RELN: variants seen among roughly 807,000 people sequenced by gnomAD.
RELN encodes the protein reelin.
RELN carries 108 observed loss-of-function variants against 427.6 expected under a neutral mutation model. The ratio of observed to expected loss-of-function variants is 0.25; its 90% CI spans 0.22 to 0.30. The LOEUF (loss-of-function observed/expected upper bound fraction) is 0.30, where lower values mean the gene tolerates loss of function less well. Ranked by LOEUF, RELN falls within the 10% of genes least tolerant of loss-of-function variation. The pLI, the probability that RELN is intolerant of heterozygous loss-of-function variation, is 1.00. For synonymous variants in RELN, 1,524 were observed against 1,513.4 expected, an observed-to-expected ratio of 1.01 and a Z score of -0.16; for missense variants, 3,715 against 4,302.8, an observed-to-expected ratio of 0.86 and a Z score of 3.82.
intron 6 of RELN, among the ~76,000 whole-genome samples, chr7:103,733,908 T>C (rs932760264): frequency 1.4e-5 from 2 of 147,898 alleles, no homozygotes; most frequent in Non-Finnish European, 3.0e-5. Context: ...ACCTGCACAA[T>C]GTGCACATGT....
intron 2 of RELN, among the ~76,000 whole-genome samples, chr7:103,858,627 T>C (rs1794001327): frequency 6.6e-6 from 1 of 152,174 alleles, no homozygotes; most frequent in Non-Finnish European, 1.5e-5. Context: ...ACTTAGCTTA[T>C]TTACATGAGC....
chr7:103,880,181 T>A (rs1484300459), intron 2 of RELN, among the ~76,000 whole-genome samples: 1 of 151,746 alleles, frequency 6.6e-6, no homozygotes, highest in Non-Finnish European at 1.5e-5. Flanking sequence ...GATGTTAACA[T>A]CCACCATCAC....
chr7:103,540,120 G>T, intron 44 of RELN, 77 bp downstream of exon 44: 2 of 1,540,126 alleles, frequency 1.3e-6, no homozygotes, highest in South Asian at 1.1e-5. Context: ...GAGCAAGCAG[G>T]TTGAACTAAA....
At chr7:103,710,099 G>C (rs997051119) in intron 8 of RELN, among the ~76,000 whole-genome samples, 1 of 152,160 alleles carries the variant, frequency 6.6e-6, no homozygotes, top group Non-Finnish European at 1.5e-5. Context: ...AGACAGAAGA[G>C]GATTTACCAT....
At chr7:103,665,395 G>A (rs1359930448) in intron 11 of RELN, among the ~76,000 whole-genome samples, 1 of 150,814 alleles carries the variant, frequency 6.6e-6, no homozygotes, top group Non-Finnish European at 1.5e-5. Flanking sequence ...ATCTGTATAT[G>A]TAAAATAGCT....
chr7:103,940,721 C>G (rs956827004), intron 1 of RELN, among the ~76,000 whole-genome samples: 27 of 152,194 alleles, frequency 1.8e-4, no homozygotes, highest in Admixed American at 8.5e-4. Flanking sequence ...CTTTAATTTG[C>G]TTCCAGATTC....
intron 10 of RELN, among the ~76,000 whole-genome samples, chr7:103,695,215 T>C (rs1489631996): frequency 1.3e-5 from 2 of 152,158 alleles, no homozygotes; most frequent in Non-Finnish European, 2.9e-5. Context: ...CAAAAGCAAT[T>C]CTTTCATTCT....
At chr7:103,896,192 C>T (rs555318899) in intron 2 of RELN, among the ~76,000 whole-genome samples, 14 of 152,170 alleles carry the variant, frequency 9.2e-5, no homozygotes, top group African/African-American at 2.9e-4. Flanking sequence ...ATGCTGAAGA[C>T]GCAGAGCAAT....
intron 18 of RELN, 140 bp from the exon 19 acceptor site, chr7:103,635,726 A>G (rs117802576): frequency 7.2e-6 from 5 of 692,620 alleles, no homozygotes. Flanking sequence ...TGTTAGATAT[A>G]TGAATATGTG....
Position 103,510,881 on chromosome 7 carries a change from A to T in RELN, c.8244T>A (p.Thr2748=). The T allele has an allele frequency of 1.9e-6, 3 of 1,613,766 alleles. No individual in the cohort carries two copies. Among genetic ancestry groups the T allele is most frequent in the Non-Finnish European group, 2.5e-6 (3 of 1,179,716 alleles). ...REVYAVTHDL[T]PTEGWIMQFK... Reference sequence around the variant, plus strand: ...ATTGCATAATCCAGCCTTCAGTGGGAGTCAGGTCATGGGTCACTGCATACA... The same window carrying T: ...ATTGCATAATCCAGCCTTCAGTGGGTGTCAGGTCATGGGTCACTGCATACA... Residue 2748 remains threonine, a synonymous_variant, in exon 51 of 65, where the codon ACT becomes ACA. Transcript: ENST00000428762.
intron 16 of RELN, 120 bp downstream of exon 16, chr7:103,650,154 G>C (rs1267843353): frequency 1.1e-5 from 8 of 743,186 alleles, no homozygotes; most frequent in Admixed American, 1.9e-5. Context: ...ATGGAAGAAA[G>C]GGTGTTTAAT....
intron 2 of RELN, among the ~76,000 whole-genome samples, chr7:103,897,523 C>T (rs538564158): frequency 1.3e-5 from 2 of 152,014 alleles, no homozygotes; most frequent in South Asian, 2.1e-4. Context: ...CTTCATTAAA[C>T]GTTAGTTAAA....
At chr7:103,630,849 TTG>T (rs1491517968) in intron 19 of RELN, among the ~76,000 whole-genome samples, 62,141 of 124,910 alleles carry the variant, frequency 0.5, 13,712 homozygotes, top group Middle Eastern at 0.56. Flanking sequence ...AGTTATTTTT[TTG>T]TTTTTTTTGT....
At chr7:103,515,007 GATTT>G (rs1829524545) in intron 50 of RELN, among the ~76,000 whole-genome samples, 174 bp downstream of exon 50, 2 of 152,138 alleles carry the variant, frequency 1.3e-5, no homozygotes, top group Admixed American at 6.6e-5. Context: ...TGAAAGAAAA[GATTT>G]AGTTAAAATG....
At chr7:103,972,226 C>T (rs1796778272) in intron 1 of RELN, among the ~76,000 whole-genome samples, 1 of 152,120 alleles carries the variant, frequency 6.6e-6, no homozygotes, top group East Asian at 1.9e-4. Flanking sequence ...TACTTATGGG[C>T]ATGGAAAGAT....
chr7:103,513,882 A>T (rs1584254181), intron 50 of RELN: 1 of 150,794 alleles, frequency 6.6e-6, no homozygotes. Flanking sequence ...CAAAATATTG[A>T]CAATGGTTAT....
intron 1 of RELN, among the ~76,000 whole-genome samples, chr7:103,974,414 G>A (rs1419878885): frequency 6.6e-6 from 1 of 152,124 alleles, no homozygotes; most frequent in East Asian, 1.9e-4. Context: ...ATCCCTGAGA[G>A]TTAAGCCATC....
chr7:103,771,229 C>T (rs775287978), intron 4 of RELN, among the ~76,000 whole-genome samples: 3 of 151,684 alleles, frequency 2.0e-5, no homozygotes, highest in Non-Finnish European at 4.4e-5. Context: ...AATTGCCAAT[C>T]ACCTTCTGCT....
chr7:103,523,411 T>G lies in RELN; in HGVS notation c.7470A>C (p.Arg2490Ser), dbSNP rs1829753549. The part of the protein sequence containing the change: ...GCIDMCSGHG[R>S]CIQGNCVCDE... The stretch of plus-strand genomic sequence containing the variant: ...CTTACACGCAGTTTCCCTGGATGCA[T>G]CTCCCATGGCCACTGCACATGTCTA... The change falls in exon 47 of 65, where the codon AGA (arginine) becomes AGC (serine). Residue 2490 changes from arginine to serine, a missense_variant. Physicochemically the swap from Arg to Ser is moderately radical, Grantham distance 110 (BLOSUM62 -1). Coordinates refer to ENST00000428762, the MANE Select transcript of RELN (RefSeq NM_005045.4). 6.2e-7 allele frequency: 1 copy of G among 1,614,002 alleles called. No individual in the cohort carries two copies. The highest frequency in any genetic ancestry group is 8.5e-7 in the Non-Finnish European group (1 of 1,180,036).
Sources: gnomAD v4.1 joint callset for allele counts (sites outside exome capture counted in the v4.1 genomes callset) on GRCh38, gnomAD v4.1.1 for gene constraint, MANE v1.5 for transcripts, NCBI Gene and HGNC (gene_info 2026-07-23, HGNC 2026-07-21) for gene names.